The following ZNF365 variants were observed in gnomAD, a reference collection of about 807,000 sequenced individuals.
ZNF365 encodes the protein zinc finger protein 365.
ZNF365 carries 22 observed loss-of-function variants against 35.0 expected under a neutral mutation model. The observed-to-expected ratio is 0.63, with a 90% CI of 0.45 to 0.90. The LOEUF is 0.90. ZNF365 is among the 40% of genes least tolerant of loss of function. The pLI, the probability that ZNF365 is intolerant of heterozygous loss-of-function variation, is 0.00. For missense variants in ZNF365, 448 were observed against 500.3 expected, an observed-to-expected ratio of 0.90 and a Z score of 1.00; for synonymous variants, 188 against 196.2, an observed-to-expected ratio of 0.96 and a Z score of 0.35.
At chr10:62,431,044 G>T (rs1840326705) in intron 3 of ZNF365, among the ~76,000 whole-genome samples, 1 of 152,128 alleles carries the variant, frequency 6.6e-6, no homozygotes, top group Non-Finnish European at 1.5e-5. Context: ...TAGCCAAAGG[G>T]GAAAACCAAA....
At chr10:62,411,475 C>T (rs1166539006) in intron 3 of ZNF365, among the ~76,000 whole-genome samples, 1 of 152,076 alleles carries the variant, frequency 6.6e-6, no homozygotes, top group African/African-American at 2.4e-5. Context: ...GGAATTAATC[C>T]AGTTCCAGTT....
intron 4 of ZNF365, among the ~76,000 whole-genome samples, chr10:62,461,860 C>T (rs1259585820): frequency 6.6e-6 from 1 of 152,136 alleles, no homozygotes; most frequent in Non-Finnish European, 1.5e-5. Context: ...CTCCTTTAAT[C>T]CCTTCGACAA....
Position 62,400,329 on chromosome 10 carries a change from T to G in ZNF365, c.*540T>G, listed in dbSNP as rs1839805307. 1 of 986,414 alleles carries G rather than the reference T, an allele frequency of 1.0e-6. No individual in the cohort carries two copies. Among genetic ancestry groups the G allele is most frequent in the Non-Finnish European group, 1.2e-6 (1 of 830,338 alleles). The allele number at this position is 986,414 out of a possible 1,614,324, so 61.1% of individuals were successfully genotyped here. ...CCCCGAGTATTCTGGTTAATCAAGA[T>G]TTCAATTTCTGGGTTGCTCAAGGGA... On this transcript the variant is annotated 3_prime_UTR_variant, in exon 5 of 5. Coordinates refer to ENST00000395254, the MANE Select transcript of ZNF365 (RefSeq NM_014951.3).
intron 3 of ZNF365, among the ~76,000 whole-genome samples, chr10:62,421,160 T>C (rs1840161930): frequency 6.6e-6 from 1 of 152,176 alleles, no homozygotes; most frequent in Non-Finnish European, 1.5e-5. Flanking sequence ...ATTGTTAATG[T>C]CTAAGTCATC....
At chr10:62,439,226 G>A (rs1385641065) in intron 3 of ZNF365, among the ~76,000 whole-genome samples, 1 of 151,600 alleles carries the variant, frequency 6.6e-6, no homozygotes, top group Non-Finnish European at 1.5e-5. Flanking sequence ...CTAATAATGG[G>A]TCTATTCTTT....
intron 3 of ZNF365, among the ~76,000 whole-genome samples, chr10:62,391,269 G>A (rs548729183): frequency 6.6e-6 from 1 of 152,158 alleles, no homozygotes; most frequent in Admixed American, 6.5e-5. Context: ...GGAACAGGTG[G>A]TGTTTGGTTA....
At chr10:62,434,728 T>C (rs763041767) in intron 3 of ZNF365, among the ~76,000 whole-genome samples, 27 of 152,208 alleles carry the variant, frequency 1.8e-4, no homozygotes, top group African/African-American at 7.2e-5. Context: ...AAAATTAGTG[T>C]TGTCATTGCA....
chr10:62,374,703 C>T (rs111493962), intron 1 of ZNF365, among the ~76,000 whole-genome samples: 110 of 152,310 alleles, frequency 7.2e-4, no homozygotes, highest in Middle Eastern at 3.4e-3. Context: ...GCCAGCCTGC[C>T]CTTCTCTGGC....
intron 3 of ZNF365, among the ~76,000 whole-genome samples, chr10:62,431,216 TC>T (rs1564586815): frequency 6.6e-6 from 1 of 152,164 alleles, no homozygotes; most frequent in African/African-American, 2.4e-5. Context: ...AGTGGCTTTC[TC>T]CCCCCTGCTC....
At chr10:62,408,058 C>T (rs1444791161) in intron 3 of ZNF365, among the ~76,000 whole-genome samples, 1 of 152,190 alleles carries the variant, frequency 6.6e-6, no homozygotes, top group Non-Finnish European at 1.5e-5. Context: ...ATTTGCCCTT[C>T]CTCAACAATG....
chr10:62,376,870 T>C lies in ZNF365; in HGVS notation c.677T>C (p.Val226Ala), dbSNP rs1839344754. ...RALNRQVDVA[V>A]EMIAVLRQRL... ...TTAAACAGACAGGTGGACGTGGCCG[T>C]GGAAATGATAGCTGTACTGAGGCAA... Residue 226 changes from valine (V) to alanine (A), a missense_variant, in exon 2 of 5, where the codon GTG becomes GCG. This residue lies in a region of ZNF365 where 362 missense variants were observed against 375.7 expected (regional missense o/e 0.96). Transcript: ENST00000395254. 1 of 1,614,078 alleles carries C rather than the reference T, an allele frequency of 6.2e-7. No individual in the cohort carries two copies. Among genetic ancestry groups the C allele is most frequent in the Non-Finnish European group, 8.5e-7 (1 of 1,180,024 alleles).
At chr10:62,407,001 G>C (rs190531837), downstream of ZNF365, among the ~76,000 whole-genome samples, 94 of 152,288 alleles carry the variant, frequency 6.2e-4, no homozygotes, top group Non-Finnish European at 9.0e-4. Context: ...AGTATCTCCA[G>C]CTCCAGGAAG....
At chr10:62,429,646 G>T (rs747005219) in intron 3 of ZNF365, among the ~76,000 whole-genome samples, 1 of 152,162 alleles carries the variant, frequency 6.6e-6, no homozygotes, top group Non-Finnish European at 1.5e-5. Flanking sequence ...TGGGAACATA[G>T]TACCACCAAA....
At chr10:62,456,059 A>C (rs1840756911) in intron 3 of ZNF365, among the ~76,000 whole-genome samples, 1 of 152,226 alleles carries the variant, frequency 6.6e-6, no homozygotes, top group Non-Finnish European at 1.5e-5. Context: ...GGTGATGGAC[A>C]GATTCAATAT....
chr10:62,454,641 CTT>C (rs1564596088), intron 3 of ZNF365, among the ~76,000 whole-genome samples: 5 of 150,550 alleles, frequency 3.3e-5, no homozygotes, highest in South Asian at 4.2e-4. Flanking sequence ...GTTTTTTTTT[CTT>C]TGCTTCTGAT....
Position 62,399,967 on chromosome 10 carries a change from A to G in ZNF365, c.*178A>G, listed in dbSNP as rs1295126885. 1 of 1,359,122 alleles carries G rather than the reference A, an allele frequency of 7.4e-7. No homozygotes were observed. The allele number at this position is 1,359,122 out of a possible 1,614,324, so 84.2% of individuals were successfully genotyped here. A position where few individuals can be genotyped will look rare whatever the true frequency, so the allele number is the denominator to read the frequency against. Reference sequence around the variant, plus strand: ...TAGCAAATGGGAATCTTAGTGAACCAGAATTTTATTATAACCCCCTTTTAG... The same window carrying G: ...TAGCAAATGGGAATCTTAGTGAACCGGAATTTTATTATAACCCCCTTTTAG... On this transcript the variant is annotated 3_prime_UTR_variant, in exon 5 of 5. Transcript: ENST00000395254.
At position 62,401,354 on chromosome 10, in the gene ZNF365, G is replaced by T; in HGVS notation, c.*1565G>T. On this transcript the variant is annotated 3_prime_UTR_variant, in exon 5 of 5. Transcript: ENST00000395254. ...CTGCAATAAGCATCAAATTAGCAGC[G>T]CATTAAAAATAGGAAATAAAGCAGT... 2 of 985,406 alleles carry T rather than the reference G, an allele frequency of 2.0e-6. No homozygotes were observed. Among genetic ancestry groups the T allele is most frequent in the Non-Finnish European group, 2.4e-6 (2 of 829,908 alleles). The allele number at this position is 985,406 out of a possible 1,614,324, so 61.0% of individuals were successfully genotyped here.
chr10:62,452,398 C>T (rs1005387817), intron 3 of ZNF365, among the ~76,000 whole-genome samples: 3 of 152,118 alleles, frequency 2.0e-5, no homozygotes, highest in African/African-American at 7.2e-5. Context: ...AGAATAATGA[C>T]CGCACATTTT....
At chr10:62,439,339 T>C (rs1035465777) in intron 3 of ZNF365, among the ~76,000 whole-genome samples, 3 of 152,104 alleles carry the variant, frequency 2.0e-5, no homozygotes, top group Non-Finnish European at 4.4e-5. Flanking sequence ...ATTGAGCAAT[T>C]GATTAAATAA....
Sources: allele counts gnomAD v4.1 joint callset (sites outside exome capture counted in the v4.1 genomes callset), GRCh38; gene constraint gnomAD v4.1.1; regional missense constraint gnomAD v4.1.1; transcripts MANE v1.5; gene names NCBI Gene and HGNC (gene_info 2026-07-23, HGNC 2026-07-21).